ITGA8: variants seen among roughly 807,000 people sequenced by gnomAD.
ITGA8 encodes integrin alpha-8.
ITGA8 carries 91 observed loss-of-function variants against 142.3 expected under a neutral mutation model. The observed-to-expected ratio is 0.64, with a 90% CI of 0.54 to 0.76. The LOEUF is 0.76. Among genes scored for constraint, ITGA8 ranks in the 30% least tolerant of loss-of-function variants. The pLI, the probability that ITGA8 is intolerant of heterozygous loss-of-function variation, is 0.00. For synonymous variants in ITGA8, 505 were observed against 485.2 expected, an observed-to-expected ratio of 1.04 and a Z score of -0.54; for missense variants, 1,406 against 1,327.7, an observed-to-expected ratio of 1.06 and a Z score of -0.92.
intron 2 of ITGA8, among the ~76,000 whole-genome samples, chr10:15,715,544 C>A (rs1178319338): frequency 1.3e-5 from 2 of 152,152 alleles, no homozygotes; most frequent in Non-Finnish European, 2.9e-5. Flanking sequence ...CTTGGGTATA[C>A]CTTTGATGTC....
intron 26 of ITGA8, among the ~76,000 whole-genome samples, chr10:15,552,344 A>T (rs1479699257): frequency 6.6e-6 from 1 of 152,060 alleles, no homozygotes; most frequent in Non-Finnish European, 1.5e-5. Context: ...TCACCATGTT[A>T]GCCAGGATGG....
chr10:15,666,034 T>A (rs1238318493), intron 8 of ITGA8, among the ~76,000 whole-genome samples: 1 of 152,188 alleles, frequency 6.6e-6, no homozygotes, highest in Non-Finnish European at 1.5e-5. Context: ...TTTAAAGTAG[T>A]TTTTTTCCAA....
intron 20 of ITGA8, 43 bp downstream of exon 20, chr10:15,604,165 A>C: frequency 6.4e-7 from 1 of 1,570,854 alleles, no homozygotes; most frequent in South Asian, 1.2e-5. Context: ...TTGACTTCAA[A>C]AATATACCTA....
intron 27 of ITGA8, 41 bp from the exon 28 acceptor site, chr10:15,531,192 G>T: frequency 3.7e-6 from 4 of 1,078,518 alleles, no homozygotes; most frequent in Admixed American, 3.0e-5. Context: ...TTCATATAAA[G>T]TTTTTAAGAG....
chr10:15,576,856 A>G (rs1408700392), intron 23 of ITGA8, among the ~76,000 whole-genome samples: 4 of 152,216 alleles, frequency 2.6e-5, no homozygotes, highest in African/African-American at 4.8e-5. Flanking sequence ...AGCTCTTTGC[A>G]TATGTCCTTA....
chr10:15,617,661 A>T (rs1413454312), intron 13 of ITGA8, among the ~76,000 whole-genome samples: 5 of 152,172 alleles, frequency 3.3e-5, no homozygotes, highest in African/African-American at 1.2e-4. Flanking sequence ...GGCCTCCCAA[A>T]GTGCTGGGAT....
At chr10:15,586,221 G>T (rs1166242501) in intron 23 of ITGA8, among the ~76,000 whole-genome samples, 3 of 151,756 alleles carry the variant, frequency 2.0e-5, no homozygotes, top group Non-Finnish European at 4.4e-5. Flanking sequence ...ACCACGCCTG[G>T]CTAATTTTTG....
intron 11 of ITGA8, among the ~76,000 whole-genome samples, chr10:15,653,068 G>A (rs1390490471): frequency 6.6e-6 from 1 of 152,220 alleles, no homozygotes; most frequent in Non-Finnish European, 1.5e-5. Context: ...CCTTCATGAT[G>A]CAGCTCCCCA....
At chr10:15,714,419 G>T (rs995902646) in intron 2 of ITGA8, among the ~76,000 whole-genome samples, 6 of 152,184 alleles carry the variant, frequency 3.9e-5, no homozygotes, top group East Asian at 3.9e-4. Flanking sequence ...AAAAGTGAAA[G>T]AAACCAATTT....
chr10:15,693,959 T>C (rs1301427512), intron 2 of ITGA8, among the ~76,000 whole-genome samples: 1 of 151,696 alleles, frequency 6.6e-6, no homozygotes, highest in African/African-American at 2.4e-5. Flanking sequence ...CAGCTTGGTA[T>C]CACCAGCTTA....
intron 28 of ITGA8, among the ~76,000 whole-genome samples, chr10:15,527,155 A>G (rs1318559780): frequency 6.6e-6 from 1 of 152,228 alleles, no homozygotes; most frequent in African/African-American, 2.4e-5. Context: ...GAGGTGTACT[A>G]GCTGAGCCCA....
chr10:15,603,375 TA>T (rs1232563027), intron 20 of ITGA8, among the ~76,000 whole-genome samples: 3 of 152,196 alleles, frequency 2.0e-5, no homozygotes, highest in Non-Finnish European at 4.4e-5. Context: ...ACATTTAAGC[TA>T]AATGAACAAT....
chr10:15,527,023 C>G (rs760599255), intron 28 of ITGA8, among the ~76,000 whole-genome samples: 1 of 152,130 alleles, frequency 6.6e-6, no homozygotes, highest in Non-Finnish European at 1.5e-5. Flanking sequence ...TTAATGTTGA[C>G]GTCTCTATTT....
intron 13 of ITGA8, among the ~76,000 whole-genome samples, chr10:15,631,510 G>A (rs951712360): frequency 5.3e-5 from 8 of 151,804 alleles, no homozygotes; most frequent in African/African-American, 1.9e-4. Flanking sequence ...AGTGGGAGTT[G>A]AACAATGAGA....
chr10:15,579,941 C>G (rs1168467704), intron 23 of ITGA8, among the ~76,000 whole-genome samples: 1 of 150,750 alleles, frequency 6.6e-6, no homozygotes, highest in Non-Finnish European at 1.5e-5. Flanking sequence ...CATTTCTGCA[C>G]AGAAGAAGTA....
intron 2 of ITGA8, among the ~76,000 whole-genome samples, chr10:15,699,355 T>C (rs1033638884): frequency 6.6e-6 from 1 of 152,194 alleles, no homozygotes; most frequent in Non-Finnish European, 1.5e-5. Flanking sequence ...ACTTGTGTTT[T>C]ACCCTCAGTT....
chr10:15,532,350 C>T (rs1382155604), intron 27 of ITGA8, among the ~76,000 whole-genome samples: 1 of 126,572 alleles, frequency 7.9e-6, no homozygotes, highest in African/African-American at 3.0e-5. Flanking sequence ...ACCTGGGAGG[C>T]GGAGGTTGCA....
At position 15,524,719 on chromosome 10, in the gene ITGA8, A is replaced by T. The variant is rs1327479396; in HGVS notation, c.2983-5307T>A. ...TTAAGAGAAGACGACTTAACTGATCACTTTTACAGGACCAAAGTTTCTTTA... is the reference window on the plus strand; with the variant it reads ...TTAAGAGAAGACGACTTAACTGATCTCTTTTACAGGACCAAAGTTTCTTTA... On this transcript the variant is annotated intron_variant, in intron 28 of 29. Coordinates refer to ENST00000378076, the MANE Select transcript of ITGA8 (RefSeq NM_003638.3). 2.6e-5 allele frequency among the ~76,000 whole-genome samples: 4 copies of T among 152,338 alleles called. No homozygotes were observed. The East Asian group carries it at 7.7e-4, about 29-fold the overall frequency.
At chr10:15,666,730 C>T (rs541922271) in intron 8 of ITGA8, among the ~76,000 whole-genome samples, 7 of 151,810 alleles carry the variant, frequency 4.6e-5, no homozygotes, top group African/African-American at 7.3e-5. Flanking sequence ...TAGCATGAAG[C>T]GTTGTTGAAT....
Sources: gnomAD v4.1 joint callset for allele counts (sites outside exome capture counted in the v4.1 genomes callset) on GRCh38, gnomAD v4.1.1 for gene constraint, MANE v1.5 for transcripts, NCBI Gene and HGNC (gene_info 2026-07-23, HGNC 2026-07-21) for gene names.